The following SCN8A variants were observed in gnomAD, a reference collection of about 807,000 sequenced individuals.
SCN8A encodes the protein sodium channel protein type 8 subunit alpha.
In SCN8A, 30 loss-of-function variants were observed where a neutral mutation model predicts 184.1. That is an observed-to-expected ratio of 0.16 (90% CI 0.12 to 0.22). The LOEUF is 0.22. SCN8A is among the 10% of genes least tolerant of loss of function. The pLI, the probability that SCN8A is intolerant of heterozygous loss-of-function variation, is 1.00. For missense variants in SCN8A, 1,057 were observed against 2,498.9 expected (o/e 0.42, Z 12.30); for synonymous variants, 852 against 907.0 (o/e 0.94, Z 1.09).
intron 19 of SCN8A, among the ~76,000 whole-genome samples, chr12:51,772,960 CA>C (rs1207055503): frequency 2.0e-5 from 3 of 152,022 alleles, no homozygotes; most frequent in Admixed American, 6.5e-5. Context: ...ACTGAAAATA[CA>C]AAAAAATTAG....
Position 51,807,554 on chromosome 12 carries a change from C to G in SCN8A, c.*125C>G. 1 of 1,058,456 alleles carries G rather than the reference C, an allele frequency of 9.4e-7. No individual in the cohort carries two copies. The highest frequency in any genetic ancestry group is 1.4e-6 in the Non-Finnish European group (1 of 714,418). The allele number at this position is 1,058,456 out of a possible 1,614,324, so 65.6% of individuals were successfully genotyped here. On this transcript the variant is annotated 3_prime_UTR_variant, in exon 27 of 27. Transcript: ENST00000627620. This position sits in a 1 kb window ranked among gnomAD's most constrained non-coding sequence, Gnocchi z 4.5. ...CTCTAACCTGAAGATCTATACCAAA[C>G]GTCGTCTGCTTACCACGTAACACAG...
rs112372405 is a variant in SCN8A, at chr12:51,670,888, G to A, written c.276+7795G>A. On this transcript the variant is annotated intron_variant, in intron 2 of 26. Coordinates refer to ENST00000627620, the MANE Select transcript of SCN8A (RefSeq NM_001330260.2). ...TTTCTATATGCCGGGGCTCTGTTCC[G>A]TGCCCTTGGGAACAAAACAGACAAG... Among the ~76,000 whole-genome samples the A allele has an allele frequency of 1.2e-4, 18 of 152,272 alleles. No homozygotes were observed. In the South Asian group the frequency reaches 1.9e-3, roughly 16 times the overall value.
intron 12 of SCN8A, among the ~76,000 whole-genome samples, chr12:51,739,239 TG>T (rs964507044): frequency 5.9e-5 from 9 of 152,124 alleles, no homozygotes; most frequent in Admixed American, 1.3e-4. Flanking sequence ...CCTGTTGATC[TG>T]GGGGGTTTGT....
intron 1 of SCN8A, among the ~76,000 whole-genome samples, chr12:51,655,924 A>G (rs538246367): frequency 2.0e-5 from 3 of 152,208 alleles, no homozygotes; most frequent in Non-Finnish European, 4.4e-5. Context: ...AAAGAACATT[A>G]TATTGGAAGC....
intron 1 of SCN8A, among the ~76,000 whole-genome samples, chr12:51,656,668 A>G (rs1323838808): frequency 2.0e-5 from 3 of 152,306 alleles, no homozygotes; most frequent in East Asian, 3.9e-4. Context: ...TAAATGGCCA[A>G]TCAACCTTTG....
At chr12:51,671,249 T>C (rs1941125076) in intron 2 of SCN8A, among the ~76,000 whole-genome samples, 1 of 152,232 alleles carries the variant, frequency 6.6e-6, no homozygotes, top group South Asian at 2.1e-4. Context: ...CAGTGTGAGC[T>C]ATTGGGGTGC....
intron 6 of SCN8A, among the ~76,000 whole-genome samples, chr12:51,690,342 T>C (rs982198168): frequency 4.6e-5 from 7 of 152,148 alleles, no homozygotes; most frequent in African/African-American, 1.7e-4. Flanking sequence ...GACTCAGAAA[T>C]ATCTCTCTTT....
intron 1 of SCN8A, among the ~76,000 whole-genome samples, chr12:51,655,159 A>T (rs566928380): frequency 2.0e-5 from 3 of 152,088 alleles, no homozygotes; most frequent in Admixed American, 6.5e-5. Flanking sequence ...TCAGCCCCCC[A>T]TAGTGCTGGG....
intron 1 of SCN8A, among the ~76,000 whole-genome samples, chr12:51,653,111 G>A (rs1343627039): frequency 6.6e-6 from 1 of 152,162 alleles, no homozygotes; most frequent in Non-Finnish European, 1.5e-5. Context: ...TCTGAGGTCA[G>A]GAGTTTGAGA....
rs144240103 is a variant in SCN8A at position 51,770,433 on chromosome 12, G to A, written c.3491-96G>A. ...GCCACTGTCCTCCTGGCTGTGTGGT[G>A]GGGCAGCACCTGGCAGGGCCTGGGA... On this transcript the variant is annotated intron_variant, in intron 18 of 26. Coordinates refer to ENST00000627620, the MANE Select transcript of SCN8A (RefSeq NM_001330260.2). 5.6e-5 allele frequency: 75 copies of A among 1,330,990 alleles called. No homozygotes were observed. The East Asian group carries it at 1.8e-3, about 32-fold the overall frequency. The allele number at this position is 1,330,990 out of a possible 1,614,324, so 82.4% of individuals were successfully genotyped here. A position where few individuals can be genotyped will look rare whatever the true frequency, so the allele number is the denominator to read the frequency against.
chr12:51,654,553 C>T (rs1413197739), intron 1 of SCN8A, among the ~76,000 whole-genome samples: 3 of 152,000 alleles, frequency 2.0e-5, no homozygotes, highest in Non-Finnish European at 2.9e-5. Context: ...GTCTATATGT[C>T]TGTCTTTATG....
At chr12:51,619,451 A>G (rs1051311798) in intron 1 of SCN8A, among the ~76,000 whole-genome samples, 5 of 152,226 alleles carry the variant, frequency 3.3e-5, no homozygotes, top group African/African-American at 1.2e-4. Flanking sequence ...TGCTGGGCTA[A>G]TGATGTGTGT....
At chr12:51,624,391 T>C (rs1196813168) in intron 1 of SCN8A, among the ~76,000 whole-genome samples, 6 of 151,772 alleles carry the variant, frequency 4.0e-5, no homozygotes, top group Non-Finnish European at 8.8e-5. Context: ...CATGTGTTTT[T>C]TGGCTGCATA....
chr12:51,761,464 T>A (rs957508105), intron 14 of SCN8A, among the ~76,000 whole-genome samples: 6 of 149,068 alleles, frequency 4.0e-5, no homozygotes, highest in Non-Finnish European at 7.4e-5. Flanking sequence ...TTTATTTATT[T>A]ATTATTATTT....
At chr12:51,723,989 A>T (rs1592407972) in intron 12 of SCN8A, among the ~76,000 whole-genome samples, 1 of 152,048 alleles carries the variant, frequency 6.6e-6, no homozygotes, top group East Asian at 1.9e-4. Context: ...CCCCTCAGAG[A>T]CCCTAATCTT....
chr12:51,792,181 CT>C (rs1938275246), intron 25 of SCN8A, among the ~76,000 whole-genome samples: 1 of 151,898 alleles, frequency 6.6e-6, no homozygotes, highest in South Asian at 2.1e-4. Context: ...GGAGGGTCTA[CT>C]TGAGTGGATG....
chr12:51,767,051 A>G (rs1003645663), intron 16 of SCN8A, among the ~76,000 whole-genome samples: 2 of 152,208 alleles, frequency 1.3e-5, no homozygotes, highest in African/African-American at 2.4e-5. Context: ...TGAACCAGCT[A>G]CAACTATTCT....
At chr12:51,699,956 T>G (rs1941656941) in intron 7 of SCN8A, among the ~76,000 whole-genome samples, 165 bp downstream of exon 7, 1 of 151,868 alleles carries the variant, frequency 6.6e-6, no homozygotes, top group Non-Finnish European at 1.5e-5. Flanking sequence ...CACCTGAGAT[T>G]GGGAGTTTGA....
Position 51,789,358 on chromosome 12 carries a change from C to T in SCN8A, c.4359C>T (p.Phe1453=), listed in dbSNP as rs746544103. The change falls in exon 24 of 27, where the codon TTC becomes TTT. Residue 1453 remains phenylalanine (F), a synonymous_variant. Coordinates refer to ENST00000627620, the MANE Select transcript of SCN8A (RefSeq NM_001330260.2). ...TCATCTTCATCATCTTCGGCTCCTTCTTCACCCTGAACCTGTTCATTGGTG... is the reference window on the plus strand; with the variant it reads ...TCATCTTCATCATCTTCGGCTCCTTTTTCACCCTGAACCTGTTCATTGGTG... ...YFVIFIIFGS[F]FTLNLFIGVI... is the part of the protein sequence containing the mutation. 6 of 1,614,088 alleles carry T rather than the reference C, an allele frequency of 3.7e-6. No homozygotes were observed. In the Admixed American group the frequency reaches 1.0e-4, roughly 27 times the overall value.
Sources: allele counts gnomAD v4.1 joint callset (sites outside exome capture counted in the v4.1 genomes callset), GRCh38; gene constraint gnomAD v4.1.1; non-coding constraint Gnocchi (gnomAD v3.1); transcripts MANE v1.5; gene names NCBI Gene and HGNC (gene_info 2026-07-23, HGNC 2026-07-21).